Variants in CHL1 observed in about 807,000 individuals in gnomAD.
CHL1 encodes the protein neural cell adhesion molecule L1-like protein.
A neutral mutation model predicts 141.9 loss-of-function variants in CHL1; 96 were observed. The ratio of observed to expected loss-of-function variants is 0.68; its 90% CI spans 0.57 to 0.80. The LOEUF (loss-of-function observed/expected upper bound fraction) is 0.80, where lower values mean the gene tolerates loss of function less well. Among genes scored for constraint, CHL1 ranks in the 30% least tolerant of loss-of-function variants. The probability of loss-of-function intolerance (pLI) is 0.00; values close to 1 mark genes in which losing one functional copy is unlikely to be tolerated. For missense variants in CHL1, 1,820 were observed against 1,457.2 expected (o/e 1.25, Z -4.05); for synonymous variants, 613 against 502.2 (o/e 1.22, Z -2.95).
In CHL1 at chr3:381,093, A is replaced by T. The variant is rs1706975434; in HGVS notation, c.1877-1086A>T. 2.0e-5 allele frequency among the ~76,000 whole-genome samples: 3 copies of T among 152,188 alleles called. No individual in the cohort carries two copies. The South Asian group carries it at 6.2e-4, about 31-fold the overall frequency. On this transcript the variant is annotated intron_variant, in intron 16 of 27. Transcript: ENST00000256509. ...GGCCCACCTTCCTCAGTAAGCCAGA[A>T]ATAGGGCCTAGGAATTTTCATTGTT...
chr3:363,650 A>G (rs78344175), intron 14 of CHL1: 80 of 301,408 alleles, frequency 2.7e-4, no homozygotes, highest in South Asian at 6.8e-5. Context: ...AAAATTACCT[A>G]TTAACCATAC....
chr3:350,232 C>T (rs947304273), intron 10 of CHL1, among the ~76,000 whole-genome samples: 34 of 152,220 alleles, frequency 2.2e-4, no homozygotes, highest in African/African-American at 7.7e-4. Context: ...GTATTAGTTA[C>T]ATTTATAGGA....
chr3:283,134 A>T (rs1696814108), intron 2 of CHL1, among the ~76,000 whole-genome samples: 1 of 152,142 alleles, frequency 6.6e-6, no homozygotes, highest in African/African-American at 2.4e-5. Context: ...AGAAACACAA[A>T]CCTTTCATTT....
intron 15 of CHL1, among the ~76,000 whole-genome samples, chr3:373,102 C>T (rs1052286828): frequency 6.6e-6 from 1 of 152,178 alleles, no homozygotes; most frequent in African/African-American, 2.4e-5. Context: ...GGGAATAGGA[C>T]CCATCTAATA....
At chr3:339,404 T>C (rs967212258) in intron 5 of CHL1, among the ~76,000 whole-genome samples, 4 of 152,240 alleles carry the variant, frequency 2.6e-5, no homozygotes, top group Non-Finnish European at 5.9e-5. Flanking sequence ...GGAAATTTCA[T>C]GCTACCTATA....
intron 1 of CHL1, among the ~76,000 whole-genome samples, chr3:232,362 C>T (rs1403288545): frequency 1.3e-5 from 2 of 152,006 alleles, no homozygotes; most frequent in East Asian, 3.8e-4. Flanking sequence ...TGAATTTGTA[C>T]CTTTTCTACC....
chr3:324,955 C>G (rs1158517885), intron 3 of CHL1, among the ~76,000 whole-genome samples: 2 of 151,814 alleles, frequency 1.3e-5, no homozygotes, highest in Admixed American at 6.6e-5. Flanking sequence ...CAGAGTTTGT[C>G]ACAAGAGGAG....
intron 15 of CHL1, 71 bp downstream of exon 15, chr3:366,186 C>T (rs531627996): frequency 1.4e-6 from 2 of 1,461,432 alleles, no homozygotes; most frequent in African/African-American, 1.4e-5. Flanking sequence ...TTAAAAAGTT[C>T]TAGGTCGGGC....
chr3:221,690 C>G (rs1195024069), intron 1 of CHL1, among the ~76,000 whole-genome samples: 2 of 152,182 alleles, frequency 1.3e-5, no homozygotes, highest in Admixed American at 1.3e-4. Flanking sequence ...TGTAATCCTT[C>G]CAATGTTCTT....
chr3:263,569 T>C (rs544038522), intron 2 of CHL1, among the ~76,000 whole-genome samples: 9 of 152,360 alleles, frequency 5.9e-5, no homozygotes, highest in African/African-American at 2.2e-4. Flanking sequence ...CTCATTTCCA[T>C]TTGCATTTGT....
In CHL1 at chr3:382,553, C is replaced by T. The variant is rs374749356; in HGVS notation, c.2058C>T (p.Thr686=). The T allele has an allele frequency of 1.2e-6, 2 of 1,613,136 alleles. No individual in the cohort carries two copies. Among genetic ancestry groups the T allele is most frequent in the African/African-American group, 1.3e-5 (1 of 74,836 alleles). The change falls in exon 18 of 28, where the codon ACC becomes ACT. Residue 686 remains threonine (T), a synonymous_variant. Coordinates refer to ENST00000256509, the MANE Select transcript of CHL1 (RefSeq NM_006614.4). ...TGACCAGAGTCCAAGGAAAGAAAAC[C>T]ACAGTTATCTTACCTTTGGCTCCAT... ...EELTRVQGKK[T]TVILPLAPFV...
intron 1 of CHL1, among the ~76,000 whole-genome samples, chr3:212,787 C>T (rs1205665186): frequency 6.6e-6 from 1 of 152,186 alleles, no homozygotes; most frequent in Non-Finnish European, 1.5e-5. Flanking sequence ...TGTCTTTTCA[C>T]ACACAGTTCC....
chr3:390,777 T>C lies in CHL1; in HGVS notation c.2547T>C (p.Val849=). 1 of 1,612,248 alleles carries C rather than the reference T, an allele frequency of 6.2e-7. No individual in the cohort carries two copies. The highest frequency in any genetic ancestry group is 1.1e-5 in the South Asian group (1 of 91,044). ...STLVKVTWST[V]PKDRVHGRLK... is the part of the protein sequence containing the mutation. ...TAGTTAAAGTTACCTGGTCAACAGT[T>C]CCAAAGGACAGAGTACATGGACGTC... Residue 849 remains valine (V), a synonymous_variant, in exon 21 of 28, where the codon GTT becomes GTC. Transcript: ENST00000256509.
chr3:211,205 A>G (rs1048365245), intron 1 of CHL1, among the ~76,000 whole-genome samples: 2 of 152,206 alleles, frequency 1.3e-5, no homozygotes, highest in Non-Finnish European at 2.9e-5. Context: ...CCTTCTATTT[A>G]TTGATTACAG....
At chr3:324,422 G>A (rs1700836631) in intron 3 of CHL1, among the ~76,000 whole-genome samples, 1 of 151,958 alleles carries the variant, frequency 6.6e-6, no homozygotes, top group Non-Finnish European at 1.5e-5. Context: ...AAACTGGGAT[G>A]TCTCCTTTTG....
At chr3:380,431 A>T (rs529688665) in intron 16 of CHL1, among the ~76,000 whole-genome samples, 64 of 152,222 alleles carry the variant, frequency 4.2e-4, no homozygotes, top group Non-Finnish European at 7.5e-4. Context: ...GCTAAAAGAT[A>T]AAAGTCCTCC....
chr3:278,216 G>T (rs1273447598), intron 2 of CHL1, among the ~76,000 whole-genome samples: 3 of 152,198 alleles, frequency 2.0e-5, no homozygotes, highest in African/African-American at 7.2e-5. Context: ...TATTTTGCTT[G>T]CTGTCTGTGT....
At chr3:321,924 C>G (rs939617604) in intron 3 of CHL1, among the ~76,000 whole-genome samples, 5 of 151,744 alleles carry the variant, frequency 3.3e-5, no homozygotes. Context: ...TTATAAACAC[C>G]CAAAGGTTAT....
intron 15 of CHL1, among the ~76,000 whole-genome samples, chr3:367,322 G>A (rs1015436835): frequency 2.0e-5 from 3 of 152,180 alleles, no homozygotes; most frequent in Admixed American, 2.0e-4. Context: ...GATAGGACAT[G>A]TGCTGCTTGC....
Sources: gnomAD v4.1 joint callset for allele counts (sites outside exome capture counted in the v4.1 genomes callset) on GRCh38, gnomAD v4.1.1 for gene constraint, MANE v1.5 for transcripts, NCBI Gene and HGNC (gene_info 2026-07-23, HGNC 2026-07-21) for gene names.